Variants in RGS20 observed in about 807,000 individuals in gnomAD.
RGS20 encodes the protein gz-selective GTPase-activating protein.
Under a neutral mutation model 33.6 loss-of-function variants are expected in RGS20, and 30 were observed. The observed-to-expected ratio is 0.89, with a 90% CI of 0.67 to 1.21. The LOEUF (loss-of-function observed/expected upper bound fraction) is 1.21, where lower values mean the gene tolerates loss of function less well. Among genes scored for constraint, RGS20 ranks in the 50% most tolerant of loss-of-function variants. RGS20 has a pLI of 0.00. For synonymous variants in RGS20, 208 were observed against 197.9 expected (o/e 1.05, Z -0.43); for missense variants, 472 against 502.4 (o/e 0.94, Z 0.58).
chr8:53,860,691 C>G (rs187960980), intron 1 of RGS20, among the ~76,000 whole-genome samples: 35 of 152,326 alleles, frequency 2.3e-4, no homozygotes, highest in Non-Finnish European at 3.7e-4. Context: ...CCCTGCTGAG[C>G]GCAGTGGGTC....
rs1405171613 is a variant in RGS20, at chr8:53,954,115, G to A, written c.783G>A (p.Gln261=). ...TGGAAGAAGTCAACGCCTGGGCTCA[G>A]TCATTTGACAAATTAATGGTCACTC... is the stretch of plus-strand genomic sequence containing the variant. The change falls in exon 5 of 6, where the codon CAG becomes CAA. Residue 261 remains glutamine, a synonymous_variant. Transcript: ENST00000297313. 2 of 1,614,068 alleles carry A rather than the reference G, an allele frequency of 1.2e-6. No individual in the cohort carries two copies. The highest frequency in any genetic ancestry group is 1.7e-6 in the Non-Finnish European group (2 of 1,180,002).
At chr8:53,916,051 T>C (rs1813474962) in intron 2 of RGS20, among the ~76,000 whole-genome samples, 2 of 151,988 alleles carry the variant, frequency 1.3e-5, no homozygotes, top group Non-Finnish European at 2.9e-5. Flanking sequence ...GAGGACAGGG[T>C]CTCACTCTGT....
rs146864265 is a variant in RGS20 at position 53,864,297 on chromosome 8, G to A, written c.165+12233G>A. Among the ~76,000 whole-genome samples, 557 of 152,128 alleles carry A rather than the reference G, an allele frequency of 3.7e-3. 9 individuals carry two copies. The highest frequency in any genetic ancestry group is 0.013 in the African/African-American group (533 of 41,540). On this transcript the variant is annotated intron_variant, in intron 1 of 5. Coordinates refer to ENST00000297313, the MANE Select transcript of RGS20 (RefSeq NM_170587.4). ...TACAAAAAAAAAATCAGCTGGGCAT[G>A]ATGGCGGGTGCCTGTAATCCCAGCT... is the stretch of plus-strand genomic sequence containing the variant.
chr8:53,921,185 A>G (rs1484021599), intron 2 of RGS20, among the ~76,000 whole-genome samples: 1 of 152,202 alleles, frequency 6.6e-6, no homozygotes, highest in Non-Finnish European at 1.5e-5. Flanking sequence ...ATGGCATATA[A>G]TCCTTTTTTT....
chr8:53,914,392 CCTT>C (rs1203766864), intron 2 of RGS20, among the ~76,000 whole-genome samples: 1 of 152,104 alleles, frequency 6.6e-6, no homozygotes, highest in Admixed American at 6.6e-5. Context: ...CCCATTCTCT[CCTT>C]CTTTCTCTTC....
chr8:53,939,601 T>TGCGGAA lies in RGS20; in HGVS notation c.541_546dup (p.Lys181_Arg182dup). 1 of 1,603,610 alleles carries TGCGGAA rather than the reference T, an allele frequency of 6.2e-7. No homozygotes were observed. The highest frequency in any genetic ancestry group is 8.5e-7 in the Non-Finnish European group (1 of 1,175,588). Reference sequence around the variant, plus strand: ...CAGATGGGATCAGAGCGGATGGAGATGCGGAAGCGGCAGATGCCCGCCGCC... The same window carrying TGCGGAA: ...CAGATGGGATCAGAGCGGATGGAGATGCGGAAGCGGAAGCGGCAGATGCCCGCCGCC... On this transcript the variant is annotated inframe_insertion, in exon 3 of 6. Coordinates refer to ENST00000297313, the MANE Select transcript of RGS20 (RefSeq NM_170587.4).
At chr8:53,900,689 T>C (rs1812991339) in intron 2 of RGS20, among the ~76,000 whole-genome samples, 1 of 152,110 alleles carries the variant, frequency 6.6e-6, no homozygotes, top group African/African-American at 2.4e-5. Context: ...CGTGGAGGCT[T>C]AGGAAGGTGA....
intron 2 of RGS20, among the ~76,000 whole-genome samples, chr8:53,923,284 G>A (rs559008162): frequency 3.3e-5 from 5 of 152,192 alleles, no homozygotes; most frequent in East Asian, 1.9e-4. Context: ...AGAAATATAC[G>A]TATAGAGTTT....
chr8:53,907,714 C>T (rs1459314440), intron 2 of RGS20, among the ~76,000 whole-genome samples: 1 of 152,036 alleles, frequency 6.6e-6, no homozygotes, highest in Non-Finnish European at 1.5e-5. Context: ...TAACAGGCTC[C>T]TGCATCTCAT....
chr8:53,915,995 T>G (rs1336951548), intron 2 of RGS20, among the ~76,000 whole-genome samples: 1 of 152,128 alleles, frequency 6.6e-6, no homozygotes, highest in African/African-American at 2.4e-5. Context: ...TATGCTTTAA[T>G]AATTTTCTTT....
In RGS20 at chr8:53,927,955, T is replaced by C. The variant is rs535754623; in HGVS notation, c.511-11621T>C. 3.3e-5 allele frequency among the ~76,000 whole-genome samples: 5 copies of C among 152,316 alleles called. No individual in the cohort carries two copies. The South Asian group carries it at 1.0e-3, about 32-fold the overall frequency. On this transcript the variant is annotated intron_variant, in intron 2 of 5. Coordinates refer to ENST00000297313, the MANE Select transcript of RGS20 (RefSeq NM_170587.4). ...CAGTGGTATAATAAAAGAATAATTATCTTTTAGACCTGAGAAGAGTTTGCT... is the reference window on the plus strand; with the variant it reads ...CAGTGGTATAATAAAAGAATAATTACCTTTTAGACCTGAGAAGAGTTTGCT...
intron 2 of RGS20, among the ~76,000 whole-genome samples, chr8:53,921,459 T>A (rs1428733846): frequency 6.6e-6 from 1 of 151,262 alleles, no homozygotes; most frequent in Non-Finnish European, 1.5e-5. Flanking sequence ...TTTTTTTTTT[T>A]AAATACACCA....
intron 4 of RGS20, among the ~76,000 whole-genome samples, chr8:53,952,903 A>G (rs1429220536): frequency 6.6e-6 from 1 of 152,194 alleles, no homozygotes; most frequent in African/African-American, 2.4e-5. Context: ...TAAGCCCAAA[A>G]TCAAGTATAG....
intron 2 of RGS20, among the ~76,000 whole-genome samples, chr8:53,899,109 A>G (rs946074645): frequency 1.3e-5 from 2 of 152,204 alleles, no homozygotes; most frequent in African/African-American, 2.4e-5. Context: ...ACTAACTACA[A>G]TGCTGTGCGA....
intron 3 of RGS20, among the ~76,000 whole-genome samples, chr8:53,939,959 TA>T (rs1814242835): frequency 6.6e-6 from 1 of 152,208 alleles, no homozygotes; most frequent in Admixed American, 6.5e-5. Context: ...CAACGTGTGT[TA>T]AACAACTAAA....
intron 1 of RGS20, chr8:53,879,124 T>C: frequency 1.4e-6 from 1 of 714,492 alleles, no homozygotes; most frequent in Non-Finnish European, 2.4e-6. Context: ...CTATAGGCCT[T>C]TCCTTCTGCT....
Position 53,879,698 on chromosome 8 carries a change from G to A in RGS20, c.510+96G>A, listed in dbSNP as rs1413998912. ...TAACCCCAACTGACCCGCTCCGCTG[G>A]GGCTAGCAGTAGGGAGGGTGGCAAG... On this transcript the variant is annotated intron_variant, in intron 2 of 5. Coordinates refer to ENST00000297313, the MANE Select transcript of RGS20 (RefSeq NM_170587.4). 4 of 1,086,476 alleles carry A rather than the reference G, an allele frequency of 3.7e-6. No homozygotes were observed. The African/African-American group carries it at 5.1e-5, about 14-fold the overall frequency. The allele number at this position is 1,086,476 out of a possible 1,614,324, so 67.3% of individuals were successfully genotyped here.
chr8:53,946,852 G>A lies in RGS20; in HGVS notation c.743+104G>A, dbSNP rs562330006. ...AACAGAACACATACTTTCTCTAACT[G>A]TAATTTAGTAATATCCAATCATTAT... On this transcript the variant is annotated intron_variant, in intron 4 of 5. Transcript: ENST00000297313. The A allele has an allele frequency of 1.5e-5, 13 of 856,616 alleles. No individual in the cohort carries two copies. The South Asian group carries it at 2.2e-4, about 15-fold the overall frequency. The allele number at this position is 856,616 out of a possible 1,614,324, so 53.1% of individuals were successfully genotyped here. A position where few individuals can be genotyped will look rare whatever the true frequency, so the allele number is the denominator to read the frequency against.
rs1015447821 is a variant in RGS20, at chr8:53,877,910, G to A, written c.166-1348G>A. ...AATCGCTTCCCACAAGACTTCCACC[G>A]CCGAAAGAATACAGGCCGGGCCTGG... is the stretch of plus-strand genomic sequence containing the variant. On this transcript the variant is annotated intron_variant, in intron 1 of 5. Transcript: ENST00000297313. The surrounding 1 kb of genome is among the most constrained non-coding windows in gnomAD (Gnocchi z 5.7). Among the ~76,000 whole-genome samples, 3 of 152,142 alleles carry A rather than the reference G, an allele frequency of 2.0e-5. No homozygotes were observed. Among genetic ancestry groups the A allele is most frequent in the Non-Finnish European group, 4.4e-5 (3 of 68,018 alleles).
Sources: allele counts gnomAD v4.1 joint callset (sites outside exome capture counted in the v4.1 genomes callset), GRCh38; gene constraint gnomAD v4.1.1; non-coding constraint Gnocchi (gnomAD v3.1); transcripts MANE v1.5; gene names NCBI Gene and HGNC (gene_info 2026-07-23, HGNC 2026-07-21).